KLRF2: variants seen among roughly 807,000 people sequenced by gnomAD.
The protein encoded by KLRF2 is killer cell lectin like receptor F2.
A neutral mutation model predicts 25.3 loss-of-function variants in KLRF2; 28 were observed. The ratio of observed to expected loss-of-function variants is 1.11; its 90% CI spans 0.82 to 1.52. KLRF2 has a LOEUF of 1.52. Ranked by LOEUF, KLRF2 falls within the 40% of genes most tolerant of loss-of-function variation. The pLI is 0.00. For synonymous variants in KLRF2, 73 were observed against 85.0 expected (o/e 0.86, Z 0.78); for missense variants, 265 against 245.8 (o/e 1.08, Z -0.52).
chr12:9,882,395 T>G (rs77600491), intron 1 of KLRF2, among the ~76,000 whole-genome samples: 7 of 152,226 alleles, frequency 4.6e-5, no homozygotes, highest in African/African-American at 1.7e-4. Flanking sequence ...CTCAGATCTT[T>G]TTTGTGTTTC....
chr12:9,890,532 C>G (rs573567542), intron 3 of KLRF2, among the ~76,000 whole-genome samples: 22 of 152,266 alleles, frequency 1.4e-4, no homozygotes, highest in African/African-American at 5.3e-4. Context: ...ATGCATTTAC[C>G]ACGTGTCACT....
chr12:9,890,717 T>C (rs1384437079), intron 3 of KLRF2, among the ~76,000 whole-genome samples: 2 of 152,230 alleles, frequency 1.3e-5, no homozygotes, highest in African/African-American at 4.8e-5. Flanking sequence ...GACTCTTCTT[T>C]TGTTTTCAAA....
At chr12:9,887,792 C>T (rs115752389) in intron 2 of KLRF2, among the ~76,000 whole-genome samples, 2,407 of 150,718 alleles carry the variant, frequency 0.016, 54 homozygotes, top group African/African-American at 0.055. Context: ...GAGCTCATGC[C>T]TGTAATCCCA....
intron 5 of KLRF2, among the ~76,000 whole-genome samples, chr12:9,894,048 T>G (rs1377544020): frequency 6.6e-6 from 1 of 151,872 alleles, no homozygotes; most frequent in Non-Finnish European, 1.5e-5. Context: ...TTTTCTTTCT[T>G]TCTTTCTCTT....
intron 3 of KLRF2, among the ~76,000 whole-genome samples, chr12:9,890,846 C>T (rs1445115308): frequency 6.6e-6 from 1 of 152,158 alleles, no homozygotes; most frequent in Non-Finnish European, 1.5e-5. Flanking sequence ...GAGGCTGGAC[C>T]TATGGGGTCA....
At chr12:9,894,269 C>A (rs1452835159) in intron 5 of KLRF2, among the ~76,000 whole-genome samples, 4 of 151,530 alleles carry the variant, frequency 2.6e-5, no homozygotes, top group African/African-American at 9.7e-5. Flanking sequence ...GCAGATTTGA[C>A]CTTCTGGGCT....
At chr12:9,888,054 C>CAAAAAA (rs59382110) in intron 2 of KLRF2, among the ~76,000 whole-genome samples, 1 of 65,526 alleles carries the variant, frequency 1.5e-5, no homozygotes, top group Non-Finnish European at 2.6e-5. Flanking sequence ...GACCCTGTGT[C>CAAAAAA]AAAAAAAAAA....
intron 3 of KLRF2, among the ~76,000 whole-genome samples, chr12:9,890,952 A>G (rs917788489): frequency 6.6e-6 from 1 of 151,978 alleles, no homozygotes; most frequent in Non-Finnish European, 1.5e-5. Context: ...TTTTCTTTTC[A>G]TTTGATTTCT....
chr12:9,889,235 T>TAAC (rs1308868952), intron 3 of KLRF2, among the ~76,000 whole-genome samples: 18 of 152,164 alleles, frequency 1.2e-4, no homozygotes, highest in African/African-American at 4.3e-4. Flanking sequence ...ATTATAATAA[T>TAAC]AACTGTGTCA....
At chr12:9,888,265 C>T (rs772050215) in intron 2 of KLRF2, among the ~76,000 whole-genome samples, 1 of 151,444 alleles carries the variant, frequency 6.6e-6, no homozygotes, top group East Asian at 1.9e-4. Context: ...CCGAGGCGGG[C>T]GGATCACGAG....
intron 2 of KLRF2, among the ~76,000 whole-genome samples, chr12:9,888,474 A>T (rs1383895448): frequency 3.9e-5 from 6 of 151,970 alleles, no homozygotes; most frequent in Non-Finnish European, 7.4e-5. Context: ...TGGGCAACAG[A>T]GTGAGACTCT....
chr12:9,888,319 T>C (rs1214240778), intron 2 of KLRF2, among the ~76,000 whole-genome samples: 1 of 151,016 alleles, frequency 6.6e-6, no homozygotes, highest in African/African-American at 2.4e-5. Context: ...TGAAACCCCA[T>C]CTCTACTAAA....
chr12:9,895,783 A>C lies in KLRF2; in HGVS notation c.574A>C (p.Ile192Leu), dbSNP rs1862749819. 3 of 1,535,732 alleles carry C rather than the reference A, an allele frequency of 2.0e-6. No homozygotes were observed. Among genetic ancestry groups the C allele is most frequent in the Non-Finnish European group, 2.6e-6 (3 of 1,146,738 alleles). Residue 192 changes from isoleucine (I) to leucine (L), a missense_variant, in exon 6 of 6, where the codon ATT becomes CTT. Physicochemically the swap from Ile to Leu is conservative, Grantham distance 5. Transcript: ENST00000535540. ...AGACTGTAGCTCCACATTTAAGGGCATTTGCCAGAGAGATGCGATCTTGAC... is the reference window on the plus strand; with the variant it reads ...AGACTGTAGCTCCACATTTAAGGGCCTTTGCCAGAGAGATGCGATCTTGAC... ...SEDCSSTFKG[I>L]CQRDAILTHN... is the part of the protein sequence containing the mutation.
chr12:9,887,823 A>G (rs1364650456), intron 2 of KLRF2, among the ~76,000 whole-genome samples: 1 of 151,312 alleles, frequency 6.6e-6, no homozygotes, highest in Non-Finnish European at 1.5e-5. Flanking sequence ...AGGCCAAGGC[A>G]GGTGGAGCGC....
chr12:9,894,086 CTTCT>C (rs1188185806), intron 5 of KLRF2, among the ~76,000 whole-genome samples: 4 of 141,702 alleles, frequency 2.8e-5, no homozygotes, highest in Admixed American at 7.0e-5. Context: ...TTTCTCTCTT[CTTCT>C]TTCTCTTTCT....
intron 4 of KLRF2, 61 bp from the exon 5 acceptor site, chr12:9,893,368 A>C (rs1253884922): frequency 1.1e-6 from 1 of 882,670 alleles, no homozygotes; most frequent in Non-Finnish European, 1.7e-6. Flanking sequence ...GACTTACACT[A>C]TAGAAGGCAT....
chr12:9,894,544 T>G (rs891542674), intron 5 of KLRF2, among the ~76,000 whole-genome samples: 3 of 152,218 alleles, frequency 2.0e-5, no homozygotes, highest in Admixed American at 6.5e-5. Context: ...TGTTCTTATG[T>G]GAACAACATG....
chr12:9,888,275 G>T (rs1326970673), intron 2 of KLRF2, among the ~76,000 whole-genome samples: 1 of 151,702 alleles, frequency 6.6e-6, no homozygotes, highest in Non-Finnish European at 1.5e-5. Context: ...CGGATCACGA[G>T]GTCAGGAGAT....
chr12:9,884,651 G>T (rs975868487), intron 1 of KLRF2, among the ~76,000 whole-genome samples: 5 of 148,780 alleles, frequency 3.4e-5, no homozygotes, highest in African/African-American at 1.2e-4. Context: ...TATATAATAT[G>T]TATTTGTATG....
Sources: allele counts gnomAD v4.1 joint callset (sites outside exome capture counted in the v4.1 genomes callset), GRCh38; gene constraint gnomAD v4.1.1; transcripts MANE v1.5; gene names NCBI Gene and HGNC (gene_info 2026-07-23, HGNC 2026-07-21).